The following NAV3 variants were observed in gnomAD, a reference collection of about 807,000 sequenced individuals.
NAV3 encodes pore membrane and/or filament interacting like protein 1.
NAV3 carries 87 observed loss-of-function variants against 244.7 expected under a neutral mutation model. The observed-to-expected ratio is 0.36, with a 90% confidence interval of 0.30 to 0.42. NAV3 has a LOEUF of 0.42. NAV3 is among the 20% of genes least tolerant of loss of function. The pLI is 1.00. For synonymous variants in NAV3, 1,126 were observed against 1,042.2 expected, an observed-to-expected ratio of 1.08 and a Z score of -1.55; for missense variants, 2,663 against 2,893.3, an observed-to-expected ratio of 0.92 and a Z score of 1.83.
intron 2 of NAV3, among the ~76,000 whole-genome samples, chr12:77,702,822 A>C (rs1055684588): frequency 1.3e-5 from 1 of 77,534 alleles, no homozygotes; most frequent in African/African-American, 3.4e-5. Context: ...TAGAAGAAAA[A>C]TAGATAGTAT....
chr12:77,704,401 A>G (rs1033589830), intron 2 of NAV3, among the ~76,000 whole-genome samples: 2 of 152,166 alleles, frequency 1.3e-5, no homozygotes, highest in Non-Finnish European at 2.9e-5. Flanking sequence ...TTGAAGAACA[A>G]ATGAAAGCTG....
At chr12:77,817,631 C>T (rs1356528278) in intron 2 of NAV3, among the ~76,000 whole-genome samples, 19 of 151,864 alleles carry the variant, frequency 1.3e-4, no homozygotes, top group Admixed American at 1.2e-3. Context: ...CTTAACACTG[C>T]CAGATGTGTA....
chr12:77,823,839 T>C (rs375869000), intron 2 of NAV3, among the ~76,000 whole-genome samples: 3 of 152,168 alleles, frequency 2.0e-5, no homozygotes, highest in East Asian at 3.9e-4. Context: ...CAAGTTGTTG[T>C]TAAAACAACT....
At chr12:78,098,407 C>T (rs2138161690) in intron 12 of NAV3, among the ~76,000 whole-genome samples, 1 of 151,868 alleles carries the variant, frequency 6.6e-6, no homozygotes. Context: ...CAGTGGAAAA[C>T]ATGGTAATCA....
chr12:78,097,130 G>A (rs1954294100), intron 12 of NAV3, among the ~76,000 whole-genome samples: 1 of 152,176 alleles, frequency 6.6e-6, no homozygotes, highest in Non-Finnish European at 1.5e-5. Flanking sequence ...TTTTAGACCT[G>A]GAGGGAGGTT....
At chr12:77,604,866 C>G (rs1592496509) in intron 2 of NAV3, among the ~76,000 whole-genome samples, 1 of 152,076 alleles carries the variant, frequency 6.6e-6, no homozygotes, top group African/African-American at 2.4e-5. Flanking sequence ...TGTGTTAACA[C>G]TACATTGTTT....
intron 2 of NAV3, among the ~76,000 whole-genome samples, chr12:77,734,607 C>T (rs1441255671): frequency 1.3e-5 from 2 of 152,090 alleles, no homozygotes; most frequent in East Asian, 1.9e-4. Flanking sequence ...ACAACCTGGC[C>T]TCAAAATCTG....
intron 2 of NAV3, among the ~76,000 whole-genome samples, chr12:77,578,799 C>T (rs767154326): frequency 9.2e-5 from 14 of 152,112 alleles, no homozygotes; most frequent in African/African-American, 2.4e-4. Flanking sequence ...CCATCACTCA[C>T]GCCCTCTCCA....
intron 2 of NAV3, among the ~76,000 whole-genome samples, chr12:77,659,151 C>G (rs1300103609): frequency 6.6e-6 from 1 of 151,692 alleles, no homozygotes; most frequent in Admixed American, 6.6e-5. Flanking sequence ...GCAAAAGAAA[C>G]TACCATCAGA....
At chr12:77,600,879 A>C (rs1012179316) in intron 2 of NAV3, among the ~76,000 whole-genome samples, 1 of 151,954 alleles carries the variant, frequency 6.6e-6, no homozygotes, top group African/African-American at 2.4e-5. Context: ...CTGAGCCTTA[A>C]AGTGGCAGGC....
At position 78,051,033 on chromosome 12, in the gene NAV3, T is replaced by A. The variant is rs765600092; in HGVS notation, c.2402T>A (p.Met801Lys). 6.2e-7 allele frequency: 1 copy of A among 1,614,072 alleles called. No individual in the cohort carries two copies. The highest frequency in any genetic ancestry group is 8.5e-7 in the Non-Finnish European group (1 of 1,180,020). The change falls in exon 11 of 40, where the codon ATG becomes AAG. Residue 801 changes from methionine to lysine, a missense_variant. Met to Lys is a moderately conservative substitution (Grantham distance 95). Transcript: ENST00000397909. ...SRLGNMSQID[M>K]SEKASSDLDM... is the part of the protein sequence containing the mutation. ...CTGGGAAACATGTCACAGATTGACATGAGTGAGAAAGCAAGCAGTGACCTG... is the reference window on the plus strand; with the variant it reads ...CTGGGAAACATGTCACAGATTGACAAGAGTGAGAAAGCAAGCAGTGACCTG...
chr12:77,622,942 T>G (rs914984149), intron 2 of NAV3, among the ~76,000 whole-genome samples: 1 of 152,190 alleles, frequency 6.6e-6, no homozygotes, highest in Non-Finnish European at 1.5e-5. Flanking sequence ...TTTGTATGTG[T>G]CCAGAGAAGG....
rs141432095 is a variant in NAV3, at chr12:78,004,105, T to G, written c.881-2314T>G. Among the ~76,000 whole-genome samples the G allele has an allele frequency of 2.5e-3, 375 of 152,306 alleles. 1 individual carries two copies. Among genetic ancestry groups the G allele is most frequent in the African/African-American group, 8.6e-3 (358 of 41,574 alleles). ...GAGTCAGATAAAAATGAGTTCCAATTTAGATTTTGTTTTTTCTAAGTTTTG... is the reference window on the plus strand; with the variant it reads ...GAGTCAGATAAAAATGAGTTCCAATGTAGATTTTGTTTTTTCTAAGTTTTG... On this transcript the variant is annotated intron_variant, in intron 7 of 39. Coordinates refer to ENST00000397909, the MANE Select transcript of NAV3 (RefSeq NM_001024383.2).
Position 78,128,829 on chromosome 12 carries a change from ATCT to A in NAV3, c.4408_4410del (p.Ser1470del). ...CTCTGGTTTCCCCTTCTGCCATGTCATCTTCTGCAGCTGGAAAATACCACTTTT... is the reference window on the plus strand; with the variant it reads ...CTCTGGTTTCCCCTTCTGCCATGTCATCTGCAGCTGGAAAATACCACTTTT... On this transcript the variant is annotated inframe_deletion, in exon 18 of 40. Coordinates refer to ENST00000397909, the MANE Select transcript of NAV3 (RefSeq NM_001024383.2). 1 of 1,614,030 alleles carries A rather than the reference ATCT, an allele frequency of 6.2e-7. No individual in the cohort carries two copies. The highest frequency in any genetic ancestry group is 8.5e-7 in the Non-Finnish European group (1 of 1,179,960).
At chr12:78,168,906 GAC>G in intron 24 of NAV3, 40 bp downstream of exon 24, 2 of 1,402,778 alleles carry the variant, frequency 1.4e-6, no homozygotes, top group South Asian at 1.2e-5. Context: ...CAATATAATA[GAC>G]ATCTATTTTA....
intron 1 of NAV3, 100 bp downstream of exon 1, chr12:77,831,804 A>G (rs2136083309): frequency 7.5e-7 from 1 of 1,325,058 alleles, no homozygotes; most frequent in Non-Finnish European, 1.0e-6. Flanking sequence ...TAGTAGAGGA[A>G]TACCAGTGTA....
chr12:77,954,639 TGGA>T (rs1477466276), intron 3 of NAV3, among the ~76,000 whole-genome samples: 1 of 152,212 alleles, frequency 6.6e-6, no homozygotes, highest in Non-Finnish European at 1.5e-5. Context: ...TGTTGAGTGG[TGGA>T]GGAGAACATA....
intron 7 of NAV3, among the ~76,000 whole-genome samples, chr12:78,005,435 A>T (rs1367295962): frequency 6.6e-6 from 1 of 152,166 alleles, no homozygotes; most frequent in Non-Finnish European, 1.5e-5. Context: ...TTGTGAGTCT[A>T]CTCAACCCTT....
At chr12:77,704,200 A>G (rs1875689335) in intron 2 of NAV3, among the ~76,000 whole-genome samples, 2 of 152,176 alleles carry the variant, frequency 1.3e-5, no homozygotes, top group African/African-American at 2.4e-5. Flanking sequence ...CTACTCCATT[A>G]GTTTTAATAA....
Sources: gnomAD v4.1 joint callset for allele counts (sites outside exome capture counted in the v4.1 genomes callset) on GRCh38, gnomAD v4.1.1 for gene constraint, MANE v1.5 for transcripts, NCBI Gene and HGNC (gene_info 2026-07-23, HGNC 2026-07-21) for gene names.